PHF21A: variants seen among roughly 807,000 people sequenced by gnomAD.
PHF21A encodes PHD finger protein 21A, also known as BHC80a.
A neutral mutation model predicts 82.5 loss-of-function variants in PHF21A; 11 were observed. The ratio of observed to expected loss-of-function variants is 0.13; its 90% confidence interval spans 0.08 to 0.22. The LOEUF (loss-of-function observed/expected upper bound fraction) is 0.22. PHF21A is among the 10% of genes least tolerant of loss of function. PHF21A has a pLI of 1.00. For missense variants in PHF21A, 579 were observed against 837.8 expected (o/e 0.69, Z 3.81); for synonymous variants, 297 against 302.8 (o/e 0.98, Z 0.20).
intron 6 of PHF21A, among the ~76,000 whole-genome samples, chr11:46,025,237 T>C (rs555039000): frequency 2.0e-5 from 3 of 152,250 alleles, no homozygotes; most frequent in African/African-American, 7.2e-5. Context: ...TATGATTTCA[T>C]ACCACAGATA....
chr11:46,022,778 G>C (rs1371130948), intron 6 of PHF21A, among the ~76,000 whole-genome samples: 1 of 151,970 alleles, frequency 6.6e-6, no homozygotes, highest in Non-Finnish European at 1.5e-5. Flanking sequence ...CTCATATACT[G>C]TTAGTTTCCT....
chr11:45,940,102 A>G (rs2135206283), intron 15 of PHF21A, among the ~76,000 whole-genome samples: 1 of 152,328 alleles, frequency 6.6e-6, no homozygotes, highest in South Asian at 2.1e-4. Context: ...TCCAAGGGAA[A>G]CCTGCTCTGT....
Position 46,054,642 on chromosome 11 carries a change from A to G in PHF21A, c.153+22112T>C, listed in dbSNP as rs530304787. Among the ~76,000 whole-genome samples the G allele has an allele frequency of 7.2e-5, 11 of 152,282 alleles. 1 individual carries two copies. In the South Asian group the frequency reaches 2.3e-3, roughly 32 times the overall value. ...ATCAAAGACTAGATCTTATTACTCT[A>G]CAACTGTTGAGAAAAATCATTACTA... On this transcript the variant is annotated intron_variant, in intron 6 of 18. Coordinates refer to ENST00000676320, the MANE Select transcript of PHF21A (RefSeq NM_001352027.3).
intron 13 of PHF21A, among the ~76,000 whole-genome samples, 185 bp downstream of exon 13, chr11:45,949,216 GA>G (rs55807832): frequency 5.3e-5 from 8 of 151,962 alleles, no homozygotes; most frequent in East Asian, 3.8e-4. Flanking sequence ...TGAAACTTAG[GA>G]AAAAAACCTA....
chr11:46,026,614 A>G (rs1018454740), intron 6 of PHF21A, among the ~76,000 whole-genome samples: 3 of 152,148 alleles, frequency 2.0e-5, no homozygotes, highest in African/African-American at 7.2e-5. Context: ...ACTGTCTTTT[A>G]TAATCTGAAT....
intron 6 of PHF21A, among the ~76,000 whole-genome samples, chr11:46,022,086 T>TA (rs1374997991): frequency 2.6e-5 from 4 of 152,192 alleles, no homozygotes; most frequent in Non-Finnish European, 2.9e-5. Context: ...ATAAAAGAAC[T>TA]AAAAATTAAT....
intron 8 of PHF21A, 44 bp from the exon 9 acceptor site, chr11:45,969,948 C>A: frequency 8.2e-7 from 1 of 1,215,566 alleles, no homozygotes; most frequent in South Asian, 1.3e-5. Flanking sequence ...AACAATTACT[C>A]TTCAATATCA....
At chr11:46,040,894 C>G (rs1438558783) in intron 6 of PHF21A, among the ~76,000 whole-genome samples, 4 of 66,564 alleles carry the variant, frequency 6.0e-5, no homozygotes, top group African/African-American at 3.6e-4. Flanking sequence ...CAGGAAGACA[C>G]ACACACACAC....
At chr11:46,045,320 C>T (rs1356104156) in intron 6 of PHF21A, among the ~76,000 whole-genome samples, 1 of 152,062 alleles carries the variant, frequency 6.6e-6, no homozygotes, top group Non-Finnish European at 1.5e-5. Flanking sequence ...ATTATTATAC[C>T]AGGTACTAAC....
Position 46,084,221 on chromosome 11 carries a change from C to T in PHF21A, c.-2G>A, listed in dbSNP as rs771552967. 3 of 1,596,906 alleles carry T rather than the reference C, an allele frequency of 1.9e-6. No individual in the cohort carries two copies. In the South Asian group the frequency reaches 3.4e-5, roughly 18 times the overall value. ...CTCCTGTAGAGTCTGCAACTCCATC[C>T]TCTACCTTCTCCACTTTCTCTGCTA... On this transcript the variant is annotated 5_prime_UTR_variant, in exon 4 of 19. Coordinates refer to ENST00000676320, the MANE Select transcript of PHF21A (RefSeq NM_001352027.3).
At chr11:45,934,277 C>T (rs2088229053) in intron 18 of PHF21A, 52 bp from the exon 19 acceptor site, 1 of 1,562,304 alleles carries the variant, frequency 6.4e-7, no homozygotes, top group African/African-American at 1.3e-5. Context: ...TTCTAACAGG[C>T]CTGGCAGCCC....
chr11:45,996,326 G>T (rs2094907951), intron 6 of PHF21A, among the ~76,000 whole-genome samples: 2 of 152,148 alleles, frequency 1.3e-5, no homozygotes, highest in African/African-American at 4.8e-5. Context: ...ATTATAGAGT[G>T]ATCTATATTA....
At chr11:46,095,188 C>CA (rs67219578) in intron 1 of PHF21A, among the ~76,000 whole-genome samples, 134,845 of 150,690 alleles carry the variant, frequency 0.89, 60,522 homozygotes, top group East Asian at 0.99. Flanking sequence ...TGGAAATTGT[C>CA]AAAAAAAAAG....
intron 15 of PHF21A, among the ~76,000 whole-genome samples, chr11:45,938,879 G>A (rs1185429767): frequency 6.6e-6 from 1 of 151,736 alleles, no homozygotes; most frequent in Non-Finnish European, 1.5e-5. Flanking sequence ...TGTCACCCAG[G>A]CTGGAGTGCA....
rs758634582 is a variant in PHF21A, at chr11:45,953,345, ACAGT to A, written c.1095+178_1095+181del. ...TACTAGTGCATGGACCCTCAAGACT[ACAGT>A]CTAAGAATTCCACTCTAGACCAATC... On this transcript the variant is annotated intron_variant, in intron 11 of 18. Transcript: ENST00000676320. Among the ~76,000 whole-genome samples, 92 of 152,256 alleles carry A rather than the reference ACAGT, an allele frequency of 6.0e-4. 2 individuals carry two copies. Among genetic ancestry groups the A allele is most frequent in the Non-Finnish European group, 4.0e-4 (27 of 68,042 alleles).
intron 6 of PHF21A, among the ~76,000 whole-genome samples, chr11:46,042,516 G>C (rs1048549302): frequency 2.1e-4 from 32 of 152,092 alleles, no homozygotes; most frequent in African/African-American, 7.7e-4. Context: ...CGAAGAAAGA[G>C]ATTGGTGAAA....
intron 14 of PHF21A, among the ~76,000 whole-genome samples, chr11:45,946,482 C>T (rs2091310317): frequency 6.6e-6 from 1 of 152,174 alleles, no homozygotes; most frequent in African/African-American, 2.4e-5. Context: ...CTCCCGGGTT[C>T]AAGCCATTCT....
intron 7 of PHF21A, among the ~76,000 whole-genome samples, 177 bp downstream of exon 7, chr11:45,979,583 T>G (rs2094190908): frequency 6.6e-6 from 1 of 152,272 alleles, no homozygotes; most frequent in African/African-American, 2.4e-5. Context: ...TGTTATTTCC[T>G]TCTGCCAATG....
At chr11:45,951,148 T>C (rs1378320274) in intron 11 of PHF21A, among the ~76,000 whole-genome samples, 2 of 152,230 alleles carry the variant, frequency 1.3e-5, no homozygotes, top group African/African-American at 2.4e-5. Flanking sequence ...GTGTCTTCAT[T>C]TTCTGTTGTA....
Sources: allele counts gnomAD v4.1 joint callset (sites outside exome capture counted in the v4.1 genomes callset), GRCh38; gene constraint gnomAD v4.1.1; transcripts MANE v1.5; gene names NCBI Gene and HGNC (gene_info 2026-07-23, HGNC 2026-07-21).